The following ACOT11 variants were observed in gnomAD, a reference collection of about 807,000 sequenced individuals.
ACOT11 encodes the protein acyl-coenzyme A thioesterase 11.
Under a neutral mutation model 77.5 loss-of-function variants are expected in ACOT11, and 69 were observed. The observed-to-expected ratio is 0.89, with a 90% confidence interval of 0.73 to 1.09. The LOEUF (loss-of-function observed/expected upper bound fraction) is 1.09, where lower values mean the gene tolerates loss of function less well. Ranked by LOEUF, ACOT11 falls within the 50% of genes least tolerant of loss-of-function variation. The pLI, the probability that ACOT11 is intolerant of heterozygous loss-of-function variation, is 0.00. For synonymous variants in ACOT11, 279 were observed against 313.0 expected (o/e 0.89, Z 1.15); for missense variants, 766 against 813.7 (o/e 0.94, Z 0.71).
chr1:54,593,676 A>G (rs191159244), intron 4 of ACOT11, among the ~76,000 whole-genome samples: 2 of 152,040 alleles, frequency 1.3e-5, no homozygotes, highest in Admixed American at 1.3e-4. Context: ...CAACAATCCC[A>G]CAAGGGTAGG....
chr1:54,596,807 T>C (rs1449857088), intron 6 of ACOT11, among the ~76,000 whole-genome samples: 2 of 152,202 alleles, frequency 1.3e-5, no homozygotes, highest in Non-Finnish European at 2.9e-5. Flanking sequence ...ACTCCTGGCC[T>C]CAAGGGATCT....
At chr1:54,554,981 C>T (rs568549147) in intron 1 of ACOT11, among the ~76,000 whole-genome samples, 245 of 152,118 alleles carry the variant, frequency 1.6e-3, no homozygotes, top group Admixed American at 3.1e-3. Context: ...TGTTTTGAGA[C>T]GGAGTCTCAC....
Position 54,609,904 on chromosome 1 carries a change from C to T in ACOT11, c.*792C>T. On this transcript the variant is annotated 3_prime_UTR_variant, in exon 16 of 16. Coordinates refer to ENST00000343744, the MANE Select transcript of ACOT11 (RefSeq NM_147161.4). ...GCACGGGGTTTTCAGCCACAGTTCCCTCGAGGCCAGTGTTCAGCAGGATCA... is the reference window on the plus strand; with the variant it reads ...GCACGGGGTTTTCAGCCACAGTTCCTTCGAGGCCAGTGTTCAGCAGGATCA... The T allele has an allele frequency of 6.2e-7, 1 of 1,610,576 alleles. No homozygotes were observed. Among genetic ancestry groups the T allele is most frequent in the Middle Eastern group, 1.7e-4 (1 of 6,060 alleles).
At chr1:54,578,854 A>G (rs1324045389) in intron 1 of ACOT11, among the ~76,000 whole-genome samples, 2 of 151,968 alleles carry the variant, frequency 1.3e-5, no homozygotes, top group African/African-American at 4.8e-5. Flanking sequence ...TGAAAAAAAA[A>G]AGAATTGCTA....
chr1:54,608,886 A>C (rs1345312316), intron 15 of ACOT11, 71 bp from the exon 16 acceptor site: 1 of 1,490,542 alleles, frequency 6.7e-7, no homozygotes, highest in African/African-American at 1.4e-5. Context: ...CCTCGTGCCC[A>C]CTGGGCTCCC....
chr1:54,614,015 G>A (rs1237191757), downstream of ACOT11, among the ~76,000 whole-genome samples: 5 of 152,128 alleles, frequency 3.3e-5, no homozygotes, highest in African/African-American at 7.2e-5. Context: ...AGAGTTAAAC[G>A]GTGTTCTGCA....
intron 16 of ACOT11, chr1:54,634,648 A>G (rs1644320625): frequency 1.4e-6 from 1 of 698,312 alleles, no homozygotes. Flanking sequence ...AATAGGTAAA[A>G]TAATAATTTG....
chr1:54,594,172 C>G (rs1654814185), intron 5 of ACOT11, 133 bp downstream of exon 5: 1 of 760,408 alleles, frequency 1.3e-6, no homozygotes, highest in Admixed American at 2.8e-5. Context: ...ATCCACAGCT[C>G]CCTGAGGAAG....
At chr1:54,606,684 A>C (rs768308927) in intron 13 of ACOT11, among the ~76,000 whole-genome samples, 1 of 152,214 alleles carries the variant, frequency 6.6e-6, no homozygotes, top group East Asian at 1.9e-4. Context: ...GACACATGTA[A>C]AGCATTTAGA....
intron 1 of ACOT11, among the ~76,000 whole-genome samples, chr1:54,562,825 C>G (rs1219861166): frequency 2.7e-5 from 3 of 110,728 alleles, no homozygotes; most frequent in South Asian, 3.6e-4. Flanking sequence ...CGGGCAGAGA[C>G]GCTCCTCACT....
rs201446509 is a variant in ACOT11, at chr1:54,601,400, G to C, written c.1016G>C (p.Arg339Pro). 47 of 1,612,600 alleles carry C rather than the reference G, an allele frequency of 2.9e-5. No individual in the cohort carries two copies. The East Asian group carries it at 9.8e-4, about 34-fold the overall frequency. Residue 339 changes from arginine (R) to proline (P), a missense_variant, in exon 9 of 16, where the codon CGG becomes CCG. Arg to Pro is a moderately radical substitution (Grantham distance 103). Coordinates refer to ENST00000343744, the MANE Select transcript of ACOT11 (RefSeq NM_147161.4). ...DDQPQLLPWIRPQPGDGERRY... is the reference protein window; with the variant it reads ...DDQPQLLPWIPPQPGDGERRY... Reference sequence around the variant, plus strand: ...CAGCCCCAGTTGCTGCCCTGGATTCGGCCCCAGCCCGGCGTAAGTGGGACC... The same window carrying C: ...CAGCCCCAGTTGCTGCCCTGGATTCCGCCCCAGCCCGGCGTAAGTGGGACC...
intron 7 of ACOT11, chr1:54,597,674 T>G (rs1643905282): frequency 1.9e-6 from 1 of 525,774 alleles, no homozygotes. Context: ...CTACCTGCAC[T>G]CCTTCTAGTA....
At chr1:54,599,552 G>A in intron 8 of ACOT11, 137 bp downstream of exon 8, 1 of 1,035,934 alleles carries the variant, frequency 9.7e-7, no homozygotes, top group Non-Finnish European at 1.3e-6. Flanking sequence ...TGGCTGATGG[G>A]TTCCTCTGAA....
intron 1 of ACOT11, among the ~76,000 whole-genome samples, chr1:54,572,778 T>C: frequency 6.6e-6 from 1 of 151,928 alleles, no homozygotes. Flanking sequence ...AGCAGAAGGG[T>C]CTCCCTTGGA....
At chr1:54,578,433 C>T (rs575721305) in intron 1 of ACOT11, among the ~76,000 whole-genome samples, 34 of 152,316 alleles carry the variant, frequency 2.2e-4, no homozygotes, top group African/African-American at 3.8e-4. Flanking sequence ...TGACTGACCA[C>T]GCCAGCACTA....
rs960662775 is a variant in ACOT11, at chr1:54,551,544, T to G, written c.33+3202T>G. ...TACACTGGGCACTGAGTCTCACATT[T>G]CTGGGCTAGCAGGGACCCACTGGTG... is the stretch of plus-strand genomic sequence containing the variant. On this transcript the variant is annotated intron_variant, in intron 1 of 15. Transcript: ENST00000343744. Among the ~76,000 whole-genome samples, 13 of 152,116 alleles carry G rather than the reference T, an allele frequency of 8.5e-5. No homozygotes were observed. In the East Asian group the frequency reaches 2.5e-3, roughly 29 times the overall value.
downstream of ACOT11, among the ~76,000 whole-genome samples, chr1:54,615,313 A>G (rs1050577184): frequency 2.0e-5 from 3 of 152,178 alleles, no homozygotes; most frequent in Non-Finnish European, 4.4e-5. Context: ...CAGGGTGGTG[A>G]GGAGATGAGG....
intron 1 of ACOT11, among the ~76,000 whole-genome samples, chr1:54,551,340 G>A (rs1313953982): frequency 6.6e-6 from 1 of 151,910 alleles, no homozygotes; most frequent in Non-Finnish European, 1.5e-5. Context: ...GTCCCTACTC[G>A]CCCCTGGGTA....
At position 54,601,411 on chromosome 1, in the gene ACOT11, G is replaced by A. The variant is rs768418340; in HGVS notation, c.1027G>A (p.Gly343Ser). The change falls in exon 9 of 16, where the codon GGC becomes AGC. Residue 343 changes from glycine to serine, a missense_variant and splice_region_variant. By Grantham distance (56) the Gly-to-Ser change is moderately conservative (BLOSUM62 0). Coordinates refer to ENST00000343744, the MANE Select transcript of ACOT11 (RefSeq NM_147161.4). ...GCTGCCCTGGATTCGGCCCCAGCCC[G>A]GCGTAAGTGGGACCAGCGCCCTGCC... ...QLLPWIRPQP[G>S]DGERRYREAS... 1.7e-5 allele frequency: 27 copies of A among 1,611,340 alleles called. No individual in the cohort carries two copies. The highest frequency in any genetic ancestry group is 8.3e-5 in the Admixed American group (5 of 59,942).
Sources: allele counts gnomAD v4.1 joint callset (sites outside exome capture counted in the v4.1 genomes callset), GRCh38; gene constraint gnomAD v4.1.1; transcripts MANE v1.5; gene names NCBI Gene and HGNC (gene_info 2026-07-23, HGNC 2026-07-21).